CSMD1: variants seen among roughly 807,000 people sequenced by gnomAD.
The protein encoded by CSMD1 is CUB and sushi domain-containing protein 1.
In CSMD1, 213 loss-of-function variants were observed where a neutral mutation model predicts 417.5. The ratio of observed to expected loss-of-function variants is 0.51; its 90% CI spans 0.46 to 0.57. The LOEUF is 0.57. Ranked by LOEUF, CSMD1 falls within the 20% of genes least tolerant of loss-of-function variation. CSMD1 has a pLI of 0.00. For missense variants in CSMD1, 6,923 were observed against 4,529.7 expected (o/e 1.53, Z -15.17); for synonymous variants, 2,862 against 1,736.8 (o/e 1.65, Z -16.11).
chr8:4,206,881 A>G (rs1800011744), intron 3 of CSMD1, among the ~76,000 whole-genome samples: 1 of 152,164 alleles, frequency 6.6e-6, no homozygotes, highest in Admixed American at 6.6e-5. Flanking sequence ...TTATTTTTCC[A>G]TAGTTCAGAA....
Position 4,671,752 on chromosome 8 carries a change from T to C in CSMD1, c.86-34194A>G, listed in dbSNP as rs150950073. On this transcript the variant is annotated intron_variant, in intron 1 of 69. Transcript: ENST00000635120. ...GTGTGTGTGTGTGTGCTTGTGTGTG[T>C]GTGCTTGCACGCTCACAAGCATGCC... Among the ~76,000 whole-genome samples, 260 of 152,336 alleles carry C rather than the reference T, an allele frequency of 1.7e-3. 2 individuals carry two copies. Among genetic ancestry groups the C allele is most frequent in the African/African-American group, 5.9e-3 (247 of 41,578 alleles).
intron 18 of CSMD1, among the ~76,000 whole-genome samples, chr8:3,384,644 A>T (rs1810856953): frequency 7.1e-6 from 1 of 141,480 alleles, no homozygotes; most frequent in Non-Finnish European, 1.5e-5. Flanking sequence ...ATATATTGCT[A>T]TATACATATA....
At chr8:3,806,087 T>C (rs1185043228) in intron 5 of CSMD1, among the ~76,000 whole-genome samples, 6 of 152,194 alleles carry the variant, frequency 3.9e-5, no homozygotes, top group Non-Finnish European at 7.3e-5. Context: ...GTTGGTTTAG[T>C]GGTCTCCAAT....
intron 26 of CSMD1, among the ~76,000 whole-genome samples, chr8:3,236,395 G>C (rs766309119): frequency 6.6e-5 from 10 of 152,144 alleles, no homozygotes; most frequent in Non-Finnish European, 1.3e-4. Flanking sequence ...AAAGTTCCTA[G>C]AGTTAGCCAG....
At chr8:4,785,924 C>G (rs1486048276) in intron 1 of CSMD1, among the ~76,000 whole-genome samples, 2 of 152,136 alleles carry the variant, frequency 1.3e-5, no homozygotes, top group African/African-American at 4.8e-5. Flanking sequence ...CTGAACCCTC[C>G]TCAGTCATGC....
At chr8:2,964,563 C>T (rs555800374) in intron 59 of CSMD1, among the ~76,000 whole-genome samples, 1 of 152,258 alleles carries the variant, frequency 6.6e-6, no homozygotes, top group African/African-American at 2.4e-5. Flanking sequence ...ACAATGGGTA[C>T]TAGAAAGAGG....
chr8:4,869,519 G>C, intron 1 of CSMD1, among the ~76,000 whole-genome samples: 1 of 151,932 alleles, frequency 6.6e-6, no homozygotes. Flanking sequence ...TGATATCTAG[G>C]ATAGTGTATC....
At chr8:3,501,834 G>T (rs1414105865) in intron 10 of CSMD1, among the ~76,000 whole-genome samples, 2 of 152,170 alleles carry the variant, frequency 1.3e-5, no homozygotes, top group East Asian at 1.9e-4. Flanking sequence ...ACCTGAGGTT[G>T]TAAGGGCCAA....
intron 49 of CSMD1, among the ~76,000 whole-genome samples, chr8:3,072,266 T>C (rs1813368783): frequency 6.6e-6 from 1 of 152,216 alleles, no homozygotes; most frequent in Non-Finnish European, 1.5e-5. Context: ...TTTTCTCTAT[T>C]AAGCTGACCA....
At chr8:3,727,311 C>T (rs1309296315) in intron 6 of CSMD1, among the ~76,000 whole-genome samples, 1 of 152,158 alleles carries the variant, frequency 6.6e-6, no homozygotes, top group Non-Finnish European at 1.5e-5. Context: ...ATCTGCAGAG[C>T]CTCCCGCCTG....
intron 5 of CSMD1, among the ~76,000 whole-genome samples, chr8:3,790,179 T>A (rs1799657804): frequency 1.3e-5 from 2 of 152,258 alleles, no homozygotes; most frequent in Admixed American, 1.3e-4. Context: ...AAATACATAA[T>A]CAGAACTCTT....
intron 7 of CSMD1, among the ~76,000 whole-genome samples, chr8:3,632,117 A>G (rs1386255327): frequency 6.6e-6 from 1 of 152,198 alleles, no homozygotes; most frequent in African/African-American, 2.4e-5. Flanking sequence ...AAAATTGAGC[A>G]AACATTTTCT....
intron 6 of CSMD1, among the ~76,000 whole-genome samples, chr8:3,734,647 G>T (rs571843198): frequency 6.6e-6 from 1 of 152,146 alleles, no homozygotes; most frequent in African/African-American, 2.4e-5. Flanking sequence ...GGAGGCGGAG[G>T]TCGCAGTGAG....
chr8:4,787,552 A>G, intron 1 of CSMD1: 1 of 1,432,044 alleles, frequency 7.0e-7, no homozygotes, highest in Non-Finnish European at 9.8e-7. Flanking sequence ...TCACCAGAAA[A>G]TGTGGGGAGA....
At chr8:3,232,581 T>C (rs943230001) in intron 26 of CSMD1, among the ~76,000 whole-genome samples, 12 of 152,314 alleles carry the variant, frequency 7.9e-5, no homozygotes, top group African/African-American at 2.9e-4. Flanking sequence ...ATTTGCTCTT[T>C]CAAATGACAT....
At chr8:3,556,826 C>G (rs561886096) in intron 10 of CSMD1, among the ~76,000 whole-genome samples, 9 of 152,128 alleles carry the variant, frequency 5.9e-5, no homozygotes, top group African/African-American at 2.2e-4. Context: ...GCCCCTCTCC[C>G]TTCACTGCCA....
intron 1 of CSMD1, among the ~76,000 whole-genome samples, chr8:4,975,774 T>C (rs1358198562): frequency 1.3e-5 from 2 of 152,170 alleles, no homozygotes; most frequent in Admixed American, 6.6e-5. Flanking sequence ...ATAACCACTA[T>C]GACCAGTTGT....
At chr8:3,731,354 T>C (rs1279216392) in intron 6 of CSMD1, among the ~76,000 whole-genome samples, 4 of 152,176 alleles carry the variant, frequency 2.6e-5, no homozygotes, top group Non-Finnish European at 1.5e-5. Context: ...AATATTTCAT[T>C]TTAGTGGAAG....
chr8:3,225,674 T>G (rs1798462925), intron 27 of CSMD1, among the ~76,000 whole-genome samples: 1 of 152,178 alleles, frequency 6.6e-6, no homozygotes, highest in African/African-American at 2.4e-5. Flanking sequence ...AAATATTGAT[T>G]TAAAAGAAAC....
Sources: gnomAD v4.1 joint callset for allele counts (sites outside exome capture counted in the v4.1 genomes callset) on GRCh38, gnomAD v4.1.1 for gene constraint, MANE v1.5 for transcripts, NCBI Gene and HGNC (gene_info 2026-07-23, HGNC 2026-07-21) for gene names.